The following PRKG1 variants were observed in gnomAD, a reference collection of about 807,000 sequenced individuals.
PRKG1 encodes cGMP-dependent protein kinase 1.
Under a neutral mutation model 88.1 loss-of-function variants are expected in PRKG1, and 35 were observed. The ratio of observed to expected loss-of-function variants is 0.40; its 90% confidence interval spans 0.30 to 0.53. The LOEUF is 0.53. PRKG1 is among the 20% of genes least tolerant of loss of function. PRKG1 has a pLI of 0.59. For missense variants in PRKG1, 540 were observed against 839.8 expected, an observed-to-expected ratio of 0.64 and a Z score of 4.41; for synonymous variants, 303 against 292.5, an observed-to-expected ratio of 1.04 and a Z score of -0.37.
chr10:51,807,579 G>A (rs181971640), intron 4 of PRKG1, among the ~76,000 whole-genome samples: 30 of 152,290 alleles, frequency 2.0e-4, no homozygotes, highest in African/African-American at 6.5e-4. Flanking sequence ...TGATAGAATT[G>A]TGCTTGAATG....
chr10:52,109,402 G>A (rs1166470171), intron 7 of PRKG1, among the ~76,000 whole-genome samples: 1 of 152,104 alleles, frequency 6.6e-6, no homozygotes, highest in African/African-American at 2.4e-5. Flanking sequence ...TCTTGGTTAG[G>A]AAAATACAGG....
At chr10:51,967,031 A>G (rs1432536618) in intron 5 of PRKG1, among the ~76,000 whole-genome samples, 1 of 152,136 alleles carries the variant, frequency 6.6e-6, no homozygotes, top group African/African-American at 2.4e-5. Flanking sequence ...AACTAGAAAT[A>G]CCATTTGACC....
chr10:51,713,078 C>T (rs1589225280), intron 3 of PRKG1, among the ~76,000 whole-genome samples: 2 of 151,980 alleles, frequency 1.3e-5, no homozygotes, highest in African/African-American at 4.8e-5. Context: ...TAACTGTCAG[C>T]GGTTTCATTA....
chr10:51,713,851 C>T (rs1841820778), intron 3 of PRKG1, among the ~76,000 whole-genome samples: 1 of 152,106 alleles, frequency 6.6e-6, no homozygotes, highest in Admixed American at 6.5e-5. Context: ...TATATGGTTT[C>T]TAATATCTTT....
intron 3 of PRKG1, among the ~76,000 whole-genome samples, chr10:51,743,887 G>A (rs2132496452): frequency 6.7e-6 from 1 of 150,300 alleles, no homozygotes; most frequent in East Asian, 2.0e-4. Context: ...TAAATATTCG[G>A]CTGAATACAA....
intron 1 of PRKG1, among the ~76,000 whole-genome samples, chr10:51,014,084 G>GA (rs1843026042): frequency 4.6e-5 from 7 of 152,312 alleles, no homozygotes; most frequent in Admixed American, 4.6e-4. Flanking sequence ...ATGGAAGAAT[G>GA]AAAAATGTTT....
intron 2 of PRKG1, among the ~76,000 whole-genome samples, chr10:51,333,678 C>G: frequency 6.6e-6 from 1 of 152,144 alleles, no homozygotes; most frequent in East Asian, 1.9e-4. Context: ...GGTAATAGTA[C>G]TGAAGTGCAA....
intron 1 of PRKG1, among the ~76,000 whole-genome samples, chr10:51,033,531 A>G (rs1843314307): frequency 6.6e-6 from 1 of 152,154 alleles, no homozygotes. Flanking sequence ...TCATCCCTTA[A>G]TGTCAGGATA....
chr10:52,089,804 CTTT>C lies in PRKG1; in HGVS notation c.935+27195_935+27197del, dbSNP rs397846439. Among the ~76,000 whole-genome samples, 370 of 67,696 alleles carry C rather than the reference CTTT, an allele frequency of 5.5e-3. 1 individual carries two copies. The highest frequency in any genetic ancestry group is 0.024 in the African/African-American group (349 of 14,828). The allele number at this position is 67,696 out of a possible 152,430, so 44.4% of individuals were successfully genotyped here. On this transcript the variant is annotated intron_variant, in intron 7 of 17. Coordinates refer to ENST00000373980, the MANE Select transcript of PRKG1 (RefSeq NM_006258.4). ...GGCTTAGATTATTGTTTCTTTCCTT[CTTT>C]TTTTTTTTTTTTTTTTTTTTTGAGA...
intron 3 of PRKG1, among the ~76,000 whole-genome samples, chr10:51,591,799 A>T (rs911063190): frequency 2.0e-5 from 3 of 152,188 alleles, no homozygotes; most frequent in Non-Finnish European, 4.4e-5. Flanking sequence ...CTTATAAAAA[A>T]CATTTCTGAT....
At chr10:51,460,818 G>A (rs1458269105) in intron 2 of PRKG1, among the ~76,000 whole-genome samples, 1 of 152,044 alleles carries the variant, frequency 6.6e-6, no homozygotes, top group Non-Finnish European at 1.5e-5. Flanking sequence ...TGCAATATAA[G>A]TTTCTCATTC....
chr10:52,287,637 A>G (rs1842148192), intron 14 of PRKG1, among the ~76,000 whole-genome samples: 3 of 151,350 alleles, frequency 2.0e-5, no homozygotes, highest in Non-Finnish European at 4.4e-5. Context: ...GAAAGACCTG[A>G]CTTTAGTCAT....
intron 5 of PRKG1, among the ~76,000 whole-genome samples, chr10:52,013,066 A>G (rs1330397793): frequency 6.6e-6 from 1 of 152,202 alleles, no homozygotes; most frequent in Non-Finnish European, 1.5e-5. Flanking sequence ...CTCAGGCTGC[A>G]TACGTATAAT....
Position 52,176,173 on chromosome 10 carries a change from CTTTTTTTT to C in PRKG1, c.1076+14224_1076+14231del, listed in dbSNP as rs140722137. ...TCGATTTTGAGTTTTTTCTTTTTCT[CTTTTTTTT>C]TTTTTTTTTTTTTGTAGGGTGAGAG... On this transcript the variant is annotated intron_variant, in intron 9 of 17. Coordinates refer to ENST00000373980, the MANE Select transcript of PRKG1 (RefSeq NM_006258.4). Among the ~76,000 whole-genome samples the C allele has an allele frequency of 6.0e-3, 571 of 95,694 alleles. 1 individual carries two copies. Among genetic ancestry groups the C allele is most frequent in the African/African-American group, 0.02 (528 of 26,514 alleles). 62.8% of individuals were successfully genotyped at this position (95,694 alleles called of 152,430 possible). A position where few individuals can be genotyped will look rare whatever the true frequency, so the allele number is the denominator to read the frequency against.
chr10:51,842,130 T>G (rs988972047), intron 4 of PRKG1, among the ~76,000 whole-genome samples: 1 of 152,214 alleles, frequency 6.6e-6, no homozygotes, highest in Admixed American at 6.5e-5. Flanking sequence ...CTGACTTGAC[T>G]GTCTGATTCA....
intron 4 of PRKG1, among the ~76,000 whole-genome samples, chr10:51,855,097 C>T (rs769650319): frequency 2.6e-5 from 4 of 152,092 alleles, no homozygotes; most frequent in African/African-American, 2.4e-5. Flanking sequence ...AGCATAATGT[C>T]GTAAAAGGTT....
intron 3 of PRKG1, among the ~76,000 whole-genome samples, chr10:51,746,567 C>CA (rs1168068361): frequency 1.3e-5 from 2 of 151,590 alleles, no homozygotes; most frequent in African/African-American, 2.4e-5. Context: ...ACTAAAAATA[C>CA]AAAAAATTAG....
At chr10:51,834,850 A>G (rs1467943220) in intron 4 of PRKG1, among the ~76,000 whole-genome samples, 1 of 152,174 alleles carries the variant, frequency 6.6e-6, no homozygotes, top group Non-Finnish European at 1.5e-5. Context: ...ATCACATTGC[A>G]TGGGGCAAGT....
At chr10:51,848,865 T>C (rs1010926631) in intron 4 of PRKG1, among the ~76,000 whole-genome samples, 1 of 151,860 alleles carries the variant, frequency 6.6e-6, no homozygotes, top group Non-Finnish European at 1.5e-5. Context: ...TTTTTTTTTT[T>C]TTAACACTTT....
Sources: allele counts gnomAD v4.1 joint callset (sites outside exome capture counted in the v4.1 genomes callset), GRCh38; gene constraint gnomAD v4.1.1; transcripts MANE v1.5; gene names NCBI Gene and HGNC (gene_info 2026-07-23, HGNC 2026-07-21).